Variants in RAD52 observed in about 807,000 individuals in gnomAD.
The protein encoded by RAD52 is DNA repair protein RAD52 homolog.
A neutral mutation model predicts 55.5 loss-of-function variants in RAD52; 47 were observed. The ratio of observed to expected loss-of-function variants is 0.85; its 90% confidence interval spans 0.67 to 1.08. The LOEUF (loss-of-function observed/expected upper bound fraction) is 1.08, where lower values mean the gene tolerates loss of function less well. RAD52 is among the 50% of genes least tolerant of loss of function. RAD52 has a pLI of 0.00. For synonymous variants in RAD52, 184 were observed against 198.9 expected (o/e 0.92, Z 0.63); for missense variants, 468 against 522.8 (o/e 0.90, Z 1.02).
At chr12:959,910 CTGA>C (rs1565703485) in intron 1 of RAD52, among the ~76,000 whole-genome samples, 1 of 152,064 alleles carries the variant, frequency 6.6e-6, no homozygotes, top group Non-Finnish European at 1.5e-5. Context: ...CTGTTTCAGC[CTGA>C]TGTTCTCCAA....
chr12:966,197 C>A (rs1958765456), intron 1 of RAD52, among the ~76,000 whole-genome samples: 2 of 151,810 alleles, frequency 1.3e-5, no homozygotes, highest in South Asian at 4.2e-4. Context: ...GAACTCCTGG[C>A]CTCAAGAGAT....
At chr12:949,977 G>A (rs11571379), upstream of RAD52, among the ~76,000 whole-genome samples, 72,979 of 152,030 alleles carry the variant, frequency 0.48, 17,693 homozygotes, top group Non-Finnish European at 0.51. Flanking sequence ...CCCCTGGTGG[G>A]CCTGGCGGTT....
upstream of RAD52, among the ~76,000 whole-genome samples, chr12:951,979 T>C (rs1055754018): frequency 6.6e-6 from 1 of 152,184 alleles, no homozygotes; most frequent in Admixed American, 6.5e-5. Flanking sequence ...CTTTTTTTTC[T>C]AAGAGACAGC....
At chr12:923,571 A>AC (rs1956852146) in intron 7 of RAD52, among the ~76,000 whole-genome samples, 2 of 115,270 alleles carry the variant, frequency 1.7e-5, no homozygotes, top group Non-Finnish European at 3.7e-5. Flanking sequence ...CATAAAATAA[A>AC]TTAAAAAAAA....
intron 1 of RAD52, among the ~76,000 whole-genome samples, chr12:972,861 G>A (rs1958882358): frequency 6.6e-6 from 1 of 151,724 alleles, no homozygotes; most frequent in Non-Finnish European, 1.5e-5. Flanking sequence ...AACTGGAGCA[G>A]AATGAGCTAG....
chr12:925,141 A>G (rs7296687), intron 7 of RAD52, among the ~76,000 whole-genome samples: 150,439 of 151,994 alleles, frequency 0.99, 74,472 homozygotes, highest in South Asian at 1. Context: ...TAGTAGAGAC[A>G]GGGTTTCACC....
upstream of RAD52, among the ~76,000 whole-genome samples, chr12:950,451 G>A (rs1958497948): frequency 6.6e-6 from 1 of 151,698 alleles, no homozygotes; most frequent in Non-Finnish European, 1.5e-5. Context: ...GGCGCCTGTA[G>A]TCCCAGCTAC....
chr12:981,264 C>A (rs1028095194), intron 1 of RAD52, among the ~76,000 whole-genome samples: 1 of 151,930 alleles, frequency 6.6e-6, no homozygotes, highest in African/African-American at 2.4e-5. Context: ...GCCAGGGAGG[C>A]GGAGGTTCTA....
chr12:944,739 A>G (rs1197103169), intron 1 of RAD52, among the ~76,000 whole-genome samples: 2 of 149,040 alleles, frequency 1.3e-5, no homozygotes, highest in African/African-American at 4.9e-5. Context: ...ATTCTTCTCC[A>G]TTTCCTTATC....
chr12:971,369 T>C (rs1958848902), intron 1 of RAD52, among the ~76,000 whole-genome samples: 1 of 152,078 alleles, frequency 6.6e-6, no homozygotes, highest in South Asian at 2.1e-4. Flanking sequence ...AACTAAGATA[T>C]AAAGATAAGC....
chr12:978,914 A>ATAGG (rs982223689), intron 1 of RAD52, among the ~76,000 whole-genome samples: 1 of 151,986 alleles, frequency 6.6e-6, no homozygotes, highest in Non-Finnish European at 1.5e-5. Context: ...AGATAGATAG[A>ATAGG]TAGACAGACA....
chr12:989,991 G>T (rs1013088554), exon 1 of RAD52: 4 of 152,236 alleles, frequency 2.6e-5, no homozygotes, highest in African/African-American at 9.7e-5. Flanking sequence ...GTACTGAAGG[G>T]GGAGATGACA....
intron 1 of RAD52, among the ~76,000 whole-genome samples, chr12:973,710 C>A (rs1431358584): frequency 6.6e-6 from 1 of 151,152 alleles, no homozygotes; most frequent in Middle Eastern, 3.2e-3. Flanking sequence ...AACTCCTGGG[C>A]TCAAGTGATC....
chr12:933,115 A>G, intron 1 of RAD52, 39 bp from the exon 2 acceptor site: 3 of 1,417,504 alleles, frequency 2.1e-6, no homozygotes, highest in South Asian at 2.4e-5. Flanking sequence ...ACAACCCTCA[A>G]AGAATGTTTA....
chr12:964,759 T>C (rs1958734846), intron 1 of RAD52, among the ~76,000 whole-genome samples: 2 of 152,092 alleles, frequency 1.3e-5, no homozygotes, highest in Admixed American at 6.5e-5. Flanking sequence ...TTTATGTTTA[T>C]AGAAATGATG....
chr12:918,094 T>C (rs906856718), intron 7 of RAD52, among the ~76,000 whole-genome samples: 1 of 152,264 alleles, frequency 6.6e-6, no homozygotes, highest in East Asian at 1.9e-4. Context: ...ACTAAACACG[T>C]ACCTATCTTC....
intron 1 of RAD52, among the ~76,000 whole-genome samples, chr12:979,610 G>C (rs566540928): frequency 6.6e-6 from 1 of 152,288 alleles, no homozygotes; most frequent in East Asian, 1.9e-4. Context: ...TGAGGACACA[G>C]TGAGAAGATG....
At chr12:932,450 G>A (rs191974752) in intron 2 of RAD52, among the ~76,000 whole-genome samples, 14 of 151,988 alleles carry the variant, frequency 9.2e-5, no homozygotes, top group Admixed American at 2.0e-4. Flanking sequence ...AGCTGAGATC[G>A]CACCACTGCA....
chr12:989,793 T>C (rs891327343), intron 1 of RAD52: 10 of 152,206 alleles, frequency 6.6e-5, no homozygotes, highest in African/African-American at 2.4e-4. Context: ...TGACTCCTAG[T>C]TGAATTTTCT....
Sources: gnomAD v4.1 joint callset for allele counts (sites outside exome capture counted in the v4.1 genomes callset) on GRCh38, gnomAD v4.1.1 for gene constraint, MANE v1.5 for transcripts, NCBI Gene and HGNC (gene_info 2026-07-23, HGNC 2026-07-21) for gene names.